OSBPL9: variants seen among roughly 807,000 people sequenced by gnomAD.
OSBPL9 encodes oxysterol binding protein like 9.
OSBPL9 carries 40 observed loss-of-function variants against 106.6 expected under a neutral mutation model. The ratio of observed to expected loss-of-function variants is 0.38; its 90% CI spans 0.29 to 0.49. The LOEUF (loss-of-function observed/expected upper bound fraction) is 0.49. Ranked by LOEUF, OSBPL9 falls within the 20% of genes least tolerant of loss-of-function variation. The pLI is 0.97. For synonymous variants in OSBPL9, 269 were observed against 295.4 expected (o/e 0.91, Z 0.92); for missense variants, 609 against 887.2 (o/e 0.69, Z 3.98).
At chr1:51,613,097 T>C (rs930663305), upstream of OSBPL9, among the ~76,000 whole-genome samples, 14 of 152,166 alleles carry the variant, frequency 9.2e-5, no homozygotes, top group African/African-American at 3.4e-4. Context: ...ATAATTCAGA[T>C]CAAACAATAA....
At chr1:51,733,852 A>G (rs1665041436) in intron 4 of OSBPL9, among the ~76,000 whole-genome samples, 1 of 152,072 alleles carries the variant, frequency 6.6e-6, no homozygotes, top group Non-Finnish European at 1.5e-5. Flanking sequence ...GACCTCTAAC[A>G]TGATTAAAAT....
upstream of OSBPL9, among the ~76,000 whole-genome samples, chr1:51,576,334 G>C (rs111672833): frequency 9.9e-3 from 1,515 of 152,302 alleles, 20 homozygotes; most frequent in African/African-American, 0.035. Context: ...CTTGAATGAA[G>C]TGGATCCTGC....
At position 51,765,811 on chromosome 1, in the gene OSBPL9, T is replaced by C; in HGVS notation, c.779-11T>C. 4.4e-6 allele frequency: 7 copies of C among 1,597,636 alleles called. No homozygotes were observed. Among genetic ancestry groups the C allele is most frequent in the Non-Finnish European group, 6.0e-6 (7 of 1,174,050 alleles). On this transcript the variant is annotated splice_polypyrimidine_tract_variant and intron_variant, in intron 11 of 23. Coordinates refer to ENST00000428468, the MANE Select transcript of OSBPL9 (RefSeq NM_024586.6). ...CCAATATTTTTCTCTAAAACCCTTT[T>C]AACTTCCTAGGCAGTGGCCATTCAC...
intron 1 of OSBPL9, among the ~76,000 whole-genome samples, chr1:51,584,695 G>A (rs895477291): frequency 2.6e-5 from 4 of 152,058 alleles, no homozygotes; most frequent in African/African-American, 7.2e-5. Flanking sequence ...CAGCCTGGGC[G>A]ATAAAAGCAA....
intron 14 of OSBPL9, among the ~76,000 whole-genome samples, chr1:51,776,169 T>C (rs1405927638): frequency 6.6e-6 from 1 of 152,212 alleles, no homozygotes; most frequent in African/African-American, 2.4e-5. Flanking sequence ...CTTCTTTTTG[T>C]TTATTCCTTT....
upstream of OSBPL9, among the ~76,000 whole-genome samples, chr1:51,572,820 T>C (rs1186102233): frequency 1.3e-5 from 2 of 152,234 alleles, no homozygotes; most frequent in Non-Finnish European, 2.9e-5. Flanking sequence ...ATTATATTTG[T>C]GGAGAGTTCA....
chr1:51,772,207 T>A lies in OSBPL9; in HGVS notation c.1051+25T>A, dbSNP rs757556024. The A allele has an allele frequency of 3.8e-6, 6 of 1,561,068 alleles. No homozygotes were observed. In the African/African-American group the frequency reaches 4.1e-5, roughly 11 times the overall value. Reference sequence around the variant, plus strand: ...GGTAAGTGACCTTTGATAATTTAACTTTTTTTTCTTTAAAAATATTTGTGG... The same window carrying A: ...GGTAAGTGACCTTTGATAATTTAACATTTTTTTCTTTAAAAATATTTGTGG... On this transcript the variant is annotated intron_variant, in intron 13 of 23. Coordinates refer to ENST00000428468, the MANE Select transcript of OSBPL9 (RefSeq NM_024586.6).
chr1:51,597,095 G>C (rs1325715730), intron 1 of OSBPL9, among the ~76,000 whole-genome samples: 1 of 152,154 alleles, frequency 6.6e-6, no homozygotes, highest in Non-Finnish European at 1.5e-5. Context: ...CAAAGGCTCT[G>C]AGAAGGAGGA....
intron 3 of OSBPL9, among the ~76,000 whole-genome samples, chr1:51,684,913 C>CTT (rs1215136847): frequency 3.3e-5 from 4 of 122,454 alleles, no homozygotes; most frequent in East Asian, 2.4e-4. Context: ...TGCTCTTCTT[C>CTT]TTTTTTTTTT....
At chr1:51,737,866 C>T (rs1205808346) in intron 4 of OSBPL9, among the ~76,000 whole-genome samples, 1 of 151,898 alleles carries the variant, frequency 6.6e-6, no homozygotes, top group South Asian at 2.1e-4. Flanking sequence ...TCTTAAAAAT[C>T]CTAGCTATAT....
intron 1 of OSBPL9, among the ~76,000 whole-genome samples, chr1:51,633,223 T>C (rs916214530): frequency 4.0e-5 from 6 of 151,390 alleles, no homozygotes; most frequent in Non-Finnish European, 8.8e-5. Flanking sequence ...CCTCCCAAAG[T>C]GCTGGGATTA....
chr1:51,543,483 C>T, the OSBPL9 span, among the ~76,000 whole-genome samples: 158 of 152,284 alleles, frequency 1.0e-3, 1 homozygote, highest in Non-Finnish European at 1.9e-3. Flanking sequence ...GCAACCTTCA[C>T]CTCCTGGGTT....
intron 4 of OSBPL9, among the ~76,000 whole-genome samples, chr1:51,723,421 T>G (rs996912153): frequency 6.6e-5 from 10 of 152,218 alleles, no homozygotes; most frequent in African/African-American, 2.4e-4. Context: ...TCAAATGGGC[T>G]TCTTTCCGTT....
At chr1:51,588,149 G>A (rs1330950123) in intron 1 of OSBPL9, among the ~76,000 whole-genome samples, 5 of 152,188 alleles carry the variant, frequency 3.3e-5, no homozygotes, top group South Asian at 2.1e-4. Flanking sequence ...TTGGGAGGCC[G>A]AGGTGGGCAG....
At chr1:51,595,691 G>A (rs1645296013) in intron 1 of OSBPL9, among the ~76,000 whole-genome samples, 1 of 152,162 alleles carries the variant, frequency 6.6e-6, no homozygotes, top group Non-Finnish European at 1.5e-5. Flanking sequence ...TGAGGAAAAT[G>A]AGGCTCAAAG....
At chr1:51,707,155 G>A in intron 3 of OSBPL9, 1 of 393,264 alleles carries the variant, frequency 2.5e-6, no homozygotes, top group Admixed American at 2.5e-5. Context: ...GAGGCCATGT[G>A]GACCATGAGG....
At chr1:51,556,956 A>T in the OSBPL9 span, among the ~76,000 whole-genome samples, 2 of 151,714 alleles carry the variant, frequency 1.3e-5, no homozygotes, top group Non-Finnish European at 2.9e-5. Flanking sequence ...CAACTAAAAG[A>T]TGTAATGGGA....
intron 2 of OSBPL9, among the ~76,000 whole-genome samples, chr1:51,661,412 G>T (rs890105933): frequency 9.2e-5 from 14 of 152,258 alleles, no homozygotes; most frequent in African/African-American, 3.4e-4. Context: ...GTATGTCTGT[G>T]TGTATAGAAA....
At chr1:51,592,256 A>AG (rs1645279764) in intron 1 of OSBPL9, among the ~76,000 whole-genome samples, 1 of 151,760 alleles carries the variant, frequency 6.6e-6, no homozygotes, top group Non-Finnish European at 1.5e-5. Flanking sequence ...CTGGGACTAC[A>AG]GGCGCCCGCC....
Sources: allele counts gnomAD v4.1 joint callset (sites outside exome capture counted in the v4.1 genomes callset), GRCh38; gene constraint gnomAD v4.1.1; transcripts MANE v1.5; gene names NCBI Gene and HGNC (gene_info 2026-07-23, HGNC 2026-07-21).